Variants in CNTNAP3 observed in about 807,000 individuals in gnomAD.
CNTNAP3 encodes contactin-associated protein-like 3.
A neutral mutation model predicts 92.1 loss-of-function variants in CNTNAP3; 36 were observed. The observed-to-expected ratio is 0.39, with a 90% CI of 0.30 to 0.52. The LOEUF is 0.52. Ranked by LOEUF, CNTNAP3 falls within the 20% of genes least tolerant of loss-of-function variation. CNTNAP3 has a pLI of 0.76. For synonymous variants in CNTNAP3, 232 were observed against 422.3 expected, an observed-to-expected ratio of 0.55 and a Z score of 5.53; for missense variants, 534 against 1,069.6, an observed-to-expected ratio of 0.50 and a Z score of 6.98.
At position 39,081,607 on chromosome 9, in the gene CNTNAP3, GA is replaced by G. The variant is rs529655955; in HGVS notation, c.3443-2688del. ...GAAATACTGGCACTTGACGTTGTGG[GA>G]AAAAAAATATTTGAGATAGGGTTGT... On this transcript the variant is annotated intron_variant, in intron 21 of 23. Transcript: ENST00000297668. 3.3e-5 allele frequency among the ~76,000 whole-genome samples: 5 copies of G among 150,780 alleles called. No homozygotes were observed. The South Asian group carries it at 8.5e-4, about 26-fold the overall frequency.
chr9:39,124,447 A>C (rs1393956879), intron 13 of CNTNAP3, among the ~76,000 whole-genome samples: 7 of 152,140 alleles, frequency 4.6e-5, no homozygotes, highest in Non-Finnish European at 1.0e-4. Context: ...AATCACTTTA[A>C]ATGTAAACAG....
Position 39,068,103 on chromosome 9 carries a change from G to C in CNTNAP3, c.*5787C>G, listed in dbSNP as rs924644396. Among the ~76,000 whole-genome samples, 2 of 152,310 alleles carry C rather than the reference G, an allele frequency of 1.3e-5. No individual in the cohort carries two copies. Among genetic ancestry groups the C allele is most frequent in the Non-Finnish European group, 2.9e-5 (2 of 68,056 alleles). On this transcript the variant is annotated 3_prime_UTR_variant, in exon 24 of 24. Transcript: ENST00000297668. ...CTAAAGAGATATGCAGTGCATGTGC[G>C]ATATTAAAATTTCAGGGCGGGCGCA...
At chr9:39,121,316 G>C (rs896855815) in intron 13 of CNTNAP3, among the ~76,000 whole-genome samples, 2 of 151,980 alleles carry the variant, frequency 1.3e-5, no homozygotes, top group Non-Finnish European at 2.9e-5. Flanking sequence ...ATTACATAAT[G>C]ATTTAAAAAA....
At position 39,254,343 on chromosome 9, in the gene CNTNAP3, G is replaced by A. The variant is rs1335164465; in HGVS notation, c.196+12553C>T. 2.2e-4 allele frequency among the ~76,000 whole-genome samples: 5 copies of A among 22,248 alleles called. 2 individuals carry two copies. Among genetic ancestry groups the A allele is most frequent in the African/African-American group, 3.2e-4 (3 of 9,300 alleles). The allele number at this position is 22,248 out of a possible 152,430, so 14.6% of individuals were successfully genotyped here. A position where few individuals can be genotyped will look rare whatever the true frequency, so the allele number is the denominator to read the frequency against. ...AAAATAGCTTAAAGCTAAAATAATG[G>A]TATACAAAGAATTATCAGCATCATT... On this transcript the variant is annotated intron_variant, in intron 2 of 23. Coordinates refer to ENST00000297668, the MANE Select transcript of CNTNAP3 (RefSeq NM_033655.5).
At chr9:39,105,389 T>A (rs1033543312) in intron 15 of CNTNAP3, among the ~76,000 whole-genome samples, 1 of 152,180 alleles carries the variant, frequency 6.6e-6, no homozygotes, top group Admixed American at 6.5e-5. Context: ...ATCATGCCAC[T>A]GCACTCCAGC....
chr9:39,092,257 T>C (rs1587702856), intron 18 of CNTNAP3, among the ~76,000 whole-genome samples: 3 of 145,784 alleles, frequency 2.1e-5, no homozygotes, highest in African/African-American at 7.5e-5. Context: ...ATTTCTCCTG[T>C]TTTATTTATT....
chr9:39,154,800 T>G lies in CNTNAP3; in HGVS notation c.1478-4823A>C, dbSNP rs371208452. The G allele has an allele frequency of 4.5e-4, 79 of 176,420 alleles. 2 individuals are homozygous for G. The highest frequency in any genetic ancestry group is 6.5e-4 in the Admixed American group (10 of 15,326). 10.9% of individuals were successfully genotyped at this position (176,420 alleles called of 1,614,324 possible). On this transcript the variant is annotated intron_variant, in intron 9 of 23. Coordinates refer to ENST00000297668, the MANE Select transcript of CNTNAP3 (RefSeq NM_033655.5). ...GTGGGAACGGTGGCGCACAACATCATGCAGAAGCGCGGCTTCCGGGAAGGC... is the reference window on the plus strand; with the variant it reads ...GTGGGAACGGTGGCGCACAACATCAGGCAGAAGCGCGGCTTCCGGGAAGGC...
chr9:39,139,447 G>A (rs2778154), intron 12 of CNTNAP3, among the ~76,000 whole-genome samples: 47 of 152,280 alleles, frequency 3.1e-4, no homozygotes, highest in Middle Eastern at 3.4e-3. Flanking sequence ...TCTTCTGAAC[G>A]TCCCCTGTAA....
intron 12 of CNTNAP3, among the ~76,000 whole-genome samples, chr9:39,136,268 C>T (rs1821434136): frequency 6.6e-6 from 1 of 152,010 alleles, no homozygotes; most frequent in South Asian, 2.1e-4. Flanking sequence ...ATTGTCTGCA[C>T]TTAAAATTTA....
intron 13 of CNTNAP3, among the ~76,000 whole-genome samples, chr9:39,127,027 A>G (rs1821168869): frequency 6.6e-6 from 1 of 152,116 alleles, no homozygotes; most frequent in Admixed American, 6.5e-5. Flanking sequence ...AAACCTCAAC[A>G]TATTTAAAAG....
At chr9:39,119,355 C>CAAAAAAAA (rs35344011) in intron 13 of CNTNAP3, among the ~76,000 whole-genome samples, 303 of 100,804 alleles carry the variant, frequency 3.0e-3, no homozygotes, top group Non-Finnish European at 3.9e-3. Flanking sequence ...GCCCCTCTGC[C>CAAAAAAAA]AAAAAAAAAA....
At chr9:39,089,188 A>T (rs183868064) in intron 18 of CNTNAP3, among the ~76,000 whole-genome samples, 1,957 of 110,126 alleles carry the variant, frequency 0.018, 10 homozygotes, top group African/African-American at 0.041. Context: ...AACCTCCATA[A>T]CCTCTAGCAG....
intron 14 of CNTNAP3, among the ~76,000 whole-genome samples, chr9:39,117,244 G>C (rs2117957811): frequency 1.3e-5 from 2 of 151,964 alleles, no homozygotes; most frequent in East Asian, 3.9e-4. Context: ...CACCTGCCTT[G>C]GCCTCCCAAA....
intron 18 of CNTNAP3, among the ~76,000 whole-genome samples, chr9:39,090,585 A>T: frequency 6.6e-6 from 1 of 152,308 alleles, no homozygotes; most frequent in Non-Finnish European, 1.5e-5. Flanking sequence ...CTATCTGTTT[A>T]GTCTTAGGCC....
chr9:39,125,252 G>T (rs138875467), intron 13 of CNTNAP3, among the ~76,000 whole-genome samples: 1 of 151,834 alleles, frequency 6.6e-6, no homozygotes, highest in Non-Finnish European at 1.5e-5. Context: ...GCAAACTACC[G>T]CAAGGACAAA....
At chr9:39,119,678 A>G (rs1334176821) in intron 13 of CNTNAP3, among the ~76,000 whole-genome samples, 5 of 152,172 alleles carry the variant, frequency 3.3e-5, no homozygotes, top group African/African-American at 1.2e-4. Context: ...TACACTGATA[A>G]AAGATCTTGT....
In CNTNAP3 at chr9:39,086,664, G is replaced by C. The variant is rs779371415; in HGVS notation, c.3354+52C>G. 3.8e-6 allele frequency: 6 copies of C among 1,566,870 alleles called. No homozygotes were observed. In the South Asian group the frequency reaches 7.2e-5, roughly 19 times the overall value. On this transcript the variant is annotated intron_variant, in intron 20 of 23. Transcript: ENST00000297668. ...ATCAAATTTTTTCATTAGATTATTT[G>C]TTCTTAAAATAATAATATTAGTTAG...
chr9:39,132,895 C>T (rs1454843691), intron 13 of CNTNAP3, 37 bp downstream of exon 13: 4 of 1,515,752 alleles, frequency 2.6e-6, no homozygotes, highest in African/African-American at 2.9e-5. Context: ...GCGCCCCGGC[C>T]CCGTGAACCC....
chr9:39,084,400 T>C (rs1215237561), intron 21 of CNTNAP3, among the ~76,000 whole-genome samples: 2 of 151,804 alleles, frequency 1.3e-5, no homozygotes, highest in African/African-American at 4.8e-5. Context: ...TTCACCGTGT[T>C]AGCCAGGATG....
Sources: gnomAD v4.1 joint callset for allele counts (sites outside exome capture counted in the v4.1 genomes callset) on GRCh38, gnomAD v4.1.1 for gene constraint, MANE v1.5 for transcripts, NCBI Gene and HGNC (gene_info 2026-07-23, HGNC 2026-07-21) for gene names.